Variants in DNM3 observed in about 807,000 individuals in gnomAD.
The protein encoded by DNM3 is dynamin-3.
Under a neutral mutation model 101.6 loss-of-function variants are expected in DNM3, and 47 were observed. That is an observed-to-expected ratio of 0.46 (90% CI 0.37 to 0.59). The LOEUF is 0.59. DNM3 is among the 20% of genes least tolerant of loss of function. The probability of loss-of-function intolerance (pLI) is 0.00; values close to 1 mark genes in which losing one functional copy is unlikely to be tolerated. For missense variants in DNM3, 849 were observed against 1,085.7 expected (o/e 0.78, Z 3.06); for synonymous variants, 385 against 387.9 (o/e 0.99, Z 0.09).
intron 14 of DNM3, among the ~76,000 whole-genome samples, chr1:172,136,279 A>G (rs2148117338): frequency 6.6e-6 from 1 of 152,312 alleles, no homozygotes; most frequent in African/African-American, 2.4e-5. Context: ...AACTTCAGAA[A>G]TAGGAAACAA....
At chr1:172,096,388 AAGG>A (rs2054246257) in intron 13 of DNM3, among the ~76,000 whole-genome samples, 1 of 152,196 alleles carries the variant, frequency 6.6e-6, no homozygotes, top group Non-Finnish European at 1.5e-5. Context: ...AGACTGGAAA[AAGG>A]AGATTAGTTA....
chr1:172,136,258 A>G (rs2057222752), intron 14 of DNM3, among the ~76,000 whole-genome samples: 1 of 152,194 alleles, frequency 6.6e-6, no homozygotes, highest in Non-Finnish European at 1.5e-5. Context: ...ACAATAACAA[A>G]TGACAAATGT....
At chr1:172,018,908 C>T (rs975198155) in intron 4 of DNM3, among the ~76,000 whole-genome samples, 4 of 152,072 alleles carry the variant, frequency 2.6e-5, no homozygotes, top group African/African-American at 7.2e-5. Context: ...TGGCAACAAA[C>T]TTCCCCAATT....
chr1:172,191,022 T>G (rs2059700788), intron 14 of DNM3, among the ~76,000 whole-genome samples: 1 of 152,158 alleles, frequency 6.6e-6, no homozygotes, highest in African/African-American at 2.4e-5. Flanking sequence ...TTAGTTTAAT[T>G]AGATCCCATT....
At chr1:172,233,557 T>C (rs932913132) in intron 14 of DNM3, among the ~76,000 whole-genome samples, 1 of 152,182 alleles carries the variant, frequency 6.6e-6, no homozygotes, top group African/African-American at 2.4e-5. Flanking sequence ...AGCATCATCC[T>C]GATACCAAAG....
intron 14 of DNM3, among the ~76,000 whole-genome samples, chr1:172,200,751 A>G (rs1388501998): frequency 6.6e-6 from 1 of 152,084 alleles, no homozygotes; most frequent in Non-Finnish European, 1.5e-5. Context: ...TGTCAGACTC[A>G]TTAGATTCTT....
intron 1 of DNM3, among the ~76,000 whole-genome samples, chr1:171,918,301 G>A (rs1380206383): frequency 1.3e-5 from 2 of 152,170 alleles, no homozygotes; most frequent in African/African-American, 2.4e-5. Flanking sequence ...GCCATAGTTA[G>A]CATTATCTCA....
At chr1:171,845,216 T>C (rs2031877804) in intron 1 of DNM3, among the ~76,000 whole-genome samples, 1 of 152,204 alleles carries the variant, frequency 6.6e-6, no homozygotes. Context: ...ATAAATACTT[T>C]TAACTTCTGT....
At chr1:172,164,819 G>C (rs543979733) in intron 14 of DNM3, among the ~76,000 whole-genome samples, 263 of 152,064 alleles carry the variant, frequency 1.7e-3, no homozygotes, top group Middle Eastern at 0.01. Flanking sequence ...GAAGGTAGTG[G>C]GAGTGGTTTT....
intron 20 of DNM3, among the ~76,000 whole-genome samples, chr1:172,406,573 CTAAA>C (rs1466114416): frequency 2.0e-5 from 3 of 151,976 alleles, no homozygotes; most frequent in Non-Finnish European, 4.4e-5. Flanking sequence ...GAGTTTGTGC[CTAAA>C]TAGTTAATAT....
intron 15 of DNM3, among the ~76,000 whole-genome samples, chr1:172,290,546 G>C (rs746302731): frequency 5.4e-4 from 82 of 152,306 alleles, no homozygotes; most frequent in Non-Finnish European, 9.7e-4. Flanking sequence ...AAGAAGTCCA[G>C]ACCTTTTTCC....
intron 1 of DNM3, among the ~76,000 whole-genome samples, chr1:171,873,157 G>T (rs1165865436): frequency 6.6e-6 from 1 of 152,148 alleles, no homozygotes; most frequent in Admixed American, 6.5e-5. Flanking sequence ...AGCTTCACTA[G>T]CTGTGAAGTT....
chr1:172,353,769 G>T (rs1216156601), intron 17 of DNM3, among the ~76,000 whole-genome samples: 1 of 152,072 alleles, frequency 6.6e-6, no homozygotes, highest in Non-Finnish European at 1.5e-5. Context: ...CATGAAGCTG[G>T]TCTAAAGTTC....
intron 14 of DNM3, among the ~76,000 whole-genome samples, chr1:172,253,234 AG>A (rs1240267143): frequency 6.6e-6 from 1 of 152,100 alleles, no homozygotes; most frequent in Non-Finnish European, 1.5e-5. Flanking sequence ...GACCCACATG[AG>A]GGGGAAAGGA....
At chr1:172,185,994 G>C (rs1218404643) in intron 14 of DNM3, among the ~76,000 whole-genome samples, 1 of 152,056 alleles carries the variant, frequency 6.6e-6, no homozygotes, top group African/African-American at 2.4e-5. Context: ...TCTCCTGCAT[G>C]ATAAAACTCA....
intron 20 of DNM3, among the ~76,000 whole-genome samples, chr1:172,396,448 A>T (rs2070008822): frequency 6.6e-6 from 1 of 152,222 alleles, no homozygotes. Context: ...GTGCAAGTTG[A>T]TATGAAATTT....
intron 1 of DNM3, among the ~76,000 whole-genome samples, chr1:171,874,552 C>T (rs1239429562): frequency 6.6e-6 from 1 of 152,056 alleles, no homozygotes; most frequent in Non-Finnish European, 1.5e-5. Flanking sequence ...CTTTTATCAT[C>T]AAAATATAAT....
intron 15 of DNM3, among the ~76,000 whole-genome samples, chr1:172,304,320 T>C (rs1406525780): frequency 6.6e-6 from 1 of 151,042 alleles, no homozygotes; most frequent in African/African-American, 2.5e-5. Flanking sequence ...AGGGATCAAT[T>C]CAACAAGTAG....
intron 2 of DNM3, among the ~76,000 whole-genome samples, chr1:171,946,475 G>A (rs1336776629): frequency 6.6e-6 from 1 of 152,128 alleles, no homozygotes; most frequent in Non-Finnish European, 1.5e-5. Flanking sequence ...TTTTGGTGTG[G>A]TGTGGTATTT....
Sources: allele counts gnomAD v4.1 joint callset (sites outside exome capture counted in the v4.1 genomes callset), GRCh38; gene constraint gnomAD v4.1.1; transcripts MANE v1.5; gene names NCBI Gene and HGNC (gene_info 2026-07-23, HGNC 2026-07-21).